The following KDM4D variants were observed in gnomAD, a reference collection of about 807,000 sequenced individuals.
KDM4D encodes the protein lysine-specific demethylase 4D.
For missense variants in KDM4D, 427 were observed against 674.8 expected (o/e 0.63, Z 4.07); for synonymous variants, 254 against 249.1 (o/e 1.02, Z -0.19).
Position 94,998,315 on chromosome 11 carries a change from G to T in KDM4D, c.943G>T (p.Ala315Ser), listed in dbSNP as rs782347143. ...KMASQCSCGE[A>S]RVTFSMDAFV... ...GGCCTCCCAGTGTAGCTGTGGGGAGGCAAGGGTGACCTTTTCCATGGATGC... is the reference window on the plus strand; with the variant it reads ...GGCCTCCCAGTGTAGCTGTGGGGAGTCAAGGGTGACCTTTTCCATGGATGC... The change falls in exon 3 of 3, where the codon GCA becomes TCA. Residue 315 changes from alanine to serine, a missense_variant. Ala to Ser is a moderately conservative substitution (Grantham distance 99). Coordinates refer to ENST00000335080, the MANE Select transcript of KDM4D (RefSeq NM_018039.3). The surrounding 1 kb of genome is among the most constrained non-coding windows in gnomAD (Gnocchi z 6.7). The T allele has an allele frequency of 3.7e-6, 6 of 1,614,170 alleles. No homozygotes were observed. The highest frequency in any genetic ancestry group is 5.1e-6 in the Non-Finnish European group (6 of 1,180,018).
At chr11:94,977,075 T>A (rs1272793751) in intron 2 of KDM4D, among the ~76,000 whole-genome samples, 4 of 151,862 alleles carry the variant, frequency 2.6e-5, no homozygotes, top group African/African-American at 9.7e-5. Flanking sequence ...AAATCACAAA[T>A]TACCCAATTA....
At chr11:94,979,248 G>C (rs921768845) in intron 2 of KDM4D, among the ~76,000 whole-genome samples, 1 of 150,950 alleles carries the variant, frequency 6.6e-6, no homozygotes, top group African/African-American at 2.4e-5. Flanking sequence ...TTATTTTTTT[G>C]AGACAGAGTC....
chr11:94,998,346 T>C lies in KDM4D; in HGVS notation c.974T>C (p.Val325Ala). The C allele has an allele frequency of 6.2e-7, 1 of 1,614,078 alleles. No homozygotes were observed. Among genetic ancestry groups the C allele is most frequent in the East Asian group, 2.2e-5 (1 of 44,896 alleles). ...GTGACCTTTTCCATGGATGCCTTCG[T>C]GCGCATCCTGCAACCTGAACGCTAT... ...ARVTFSMDAFVRILQPERYDL... is the reference protein window; with the variant it reads ...ARVTFSMDAFARILQPERYDL... Residue 325 changes from valine (V) to alanine (A), a missense_variant, in exon 3 of 3, where the codon GTG becomes GCG. By Grantham distance (64) the Val-to-Ala change is moderately conservative. Transcript: ENST00000335080. The surrounding 1 kb of genome is among the most constrained non-coding windows in gnomAD (Gnocchi z 6.7).
chr11:94,975,808 G>T (rs185379347), intron 2 of KDM4D, 60 bp downstream of exon 2: 1 of 152,212 alleles, frequency 6.6e-6, no homozygotes, highest in Admixed American at 6.5e-5. Context: ...GAGGAATGAC[G>T]TAACAATGGC....
intron 2 of KDM4D, among the ~76,000 whole-genome samples, chr11:94,990,796 C>G (rs1857928566): frequency 1.3e-5 from 2 of 152,174 alleles, no homozygotes; most frequent in South Asian, 2.1e-4. Context: ...GATGTCATGG[C>G]ATTAGGTACC....
chr11:94,994,176 C>G (rs587605815), intron 2 of KDM4D, among the ~76,000 whole-genome samples: 15 of 152,232 alleles, frequency 9.9e-5, no homozygotes, highest in African/African-American at 3.6e-4. Flanking sequence ...AGGCACTGAC[C>G]ATATGTCTGG....
rs1305945847 is a variant in KDM4D at position 94,999,059 on chromosome 11, A to G, written c.*115A>G. 1.9e-5 allele frequency: 19 copies of G among 1,017,250 alleles called. No individual in the cohort carries two copies. Among genetic ancestry groups the G allele is most frequent in the Non-Finnish European group, 2.5e-5 (19 of 747,790 alleles). 63.0% of individuals were successfully genotyped at this position (1,017,250 alleles called of 1,614,324 possible). A position where few individuals can be genotyped will look rare whatever the true frequency, so the allele number is the denominator to read the frequency against. ...TTGCAGGACTCTAGGCATGCATGAA[A>G]GAGCCCCCCTGGTGATGCCCTTGGA... On this transcript the variant is annotated 3_prime_UTR_variant, in exon 3 of 3. Transcript: ENST00000335080.
intron 1 of KDM4D, among the ~76,000 whole-genome samples, chr11:94,974,761 T>C (rs1368494777): frequency 3.3e-5 from 5 of 152,326 alleles, no homozygotes; most frequent in Admixed American, 3.3e-4. Context: ...ATTCTACTTT[T>C]AAAACTCACC....
At chr11:94,986,841 C>T (rs1036139901) in intron 2 of KDM4D, among the ~76,000 whole-genome samples, 3 of 152,230 alleles carry the variant, frequency 2.0e-5, no homozygotes, top group African/African-American at 7.2e-5. Flanking sequence ...AATAAAAACA[C>T]GTTCACACAT....
At chr11:94,986,806 T>C (rs1857891953) in intron 2 of KDM4D, among the ~76,000 whole-genome samples, 1 of 152,324 alleles carries the variant, frequency 6.6e-6, no homozygotes, top group Middle Eastern at 3.4e-3. Context: ...TCAGCAATTA[T>C]ACTCCTACGT....
intron 2 of KDM4D, among the ~76,000 whole-genome samples, chr11:94,979,651 A>T (rs1857828230): frequency 1.3e-5 from 2 of 152,168 alleles, no homozygotes; most frequent in South Asian, 2.1e-4. Context: ...CTCCCACTTA[A>T]TGTGTGCTAT....
chr11:94,994,539 G>A (rs1857960884), intron 2 of KDM4D, among the ~76,000 whole-genome samples: 1 of 152,098 alleles, frequency 6.6e-6, no homozygotes, highest in Non-Finnish European at 1.5e-5. Flanking sequence ...TAGAAGAGGA[G>A]GTAGAACCCA....
chr11:94,990,228 C>T (rs1857923614), intron 2 of KDM4D, among the ~76,000 whole-genome samples: 1 of 152,242 alleles, frequency 6.6e-6, no homozygotes, highest in Non-Finnish European at 1.5e-5. Context: ...AAGACACATT[C>T]TGGAGAGCTG....
chr11:94,974,680 A>G (rs1857780974), intron 1 of KDM4D, among the ~76,000 whole-genome samples: 1 of 152,298 alleles, frequency 6.6e-6, no homozygotes, highest in Non-Finnish European at 1.5e-5. Context: ...ACTCAAACCA[A>G]AATCCCGGAG....
Position 94,997,196 on chromosome 11 carries a change from A to G in KDM4D, c.-177A>G, listed in dbSNP as rs1365512879. The G allele has an allele frequency of 4.0e-6, 2 of 495,144 alleles. No homozygotes were observed. The highest frequency in any genetic ancestry group is 3.8e-5 in the South Asian group (1 of 26,496). 30.7% of individuals were successfully genotyped at this position (495,144 alleles called of 1,614,324 possible). On this transcript the variant is annotated 5_prime_UTR_variant, in exon 3 of 3. Coordinates refer to ENST00000335080, the MANE Select transcript of KDM4D (RefSeq NM_018039.3). Reference sequence around the variant, plus strand: ...AAGCTGCTGCCCAGAGTGGAATCTCACTAGTGAATAAACAAGCCCAAGAAA... The same window carrying G: ...AAGCTGCTGCCCAGAGTGGAATCTCGCTAGTGAATAAACAAGCCCAAGAAA...
intron 2 of KDM4D, among the ~76,000 whole-genome samples, chr11:94,981,742 T>G (rs1411550725): frequency 6.6e-6 from 1 of 151,876 alleles, no homozygotes; most frequent in Admixed American, 6.5e-5. Context: ...CTTCCTCATT[T>G]TCACCAGTCT....
chr11:94,982,999 T>C (rs1320449280), intron 2 of KDM4D, among the ~76,000 whole-genome samples: 9 of 152,050 alleles, frequency 5.9e-5, no homozygotes, highest in African/African-American at 1.9e-4. Context: ...GACAGATTTA[T>C]TCTAAAATGA....
intron 2 of KDM4D, 80 bp from the exon 3 acceptor site, chr11:94,996,944 C>G (rs1469063067): frequency 6.5e-6 from 1 of 153,204 alleles, no homozygotes; most frequent in Non-Finnish European, 1.5e-5. Flanking sequence ...TATTATTATT[C>G]TATTCTGGTA....
rs782074203 is a variant in KDM4D, at chr11:94,998,899, G to A, written c.1527G>A (p.Gln509=). The A allele has an allele frequency of 2.4e-5, 37 of 1,516,000 alleles. No individual in the cohort carries two copies. Among genetic ancestry groups the A allele is most frequent in the Non-Finnish European group, 3.2e-5 (36 of 1,132,250 alleles). The allele number at this position is 1,516,000 out of a possible 1,614,324, so 93.9% of individuals were successfully genotyped here. A position where few individuals can be genotyped will look rare whatever the true frequency, so the allele number is the denominator to read the frequency against. Residue 509 remains glutamine, a synonymous_variant, in exon 3 of 3, where the codon CAG becomes CAA. Coordinates refer to ENST00000335080, the MANE Select transcript of KDM4D (RefSeq NM_018039.3). This position sits in a 1 kb window ranked among gnomAD's most constrained non-coding sequence, Gnocchi z 6.7. ...CTGTACCACTGAGCCCAGGGCTCCAGCATCCTGTCAAGGCTTCTGGGTGCA... is the reference window on the plus strand; with the variant it reads ...CTGTACCACTGAGCCCAGGGCTCCAACATCCTGTCAAGGCTTCTGGGTGCA... The part of the protein sequence containing the change: ...DKPVPLSPGL[Q]HPVKASGCSW...
Sources: gnomAD v4.1 joint callset for allele counts (sites outside exome capture counted in the v4.1 genomes callset) on GRCh38, gnomAD v4.1.1 for gene constraint, Gnocchi (gnomAD v3.1) non-coding constraint, MANE v1.5 for transcripts, NCBI Gene and HGNC (gene_info 2026-07-23, HGNC 2026-07-21) for gene names.